The following ARID2 variants were observed in gnomAD, a reference collection of about 807,000 sequenced individuals.
ARID2 encodes the protein AT-rich interaction domain 2, also known as AT-rich interactive domain-containing protein 2.
In ARID2, 32 loss-of-function variants were observed where a neutral mutation model predicts 184.6. That is an observed-to-expected ratio of 0.17 (90% CI 0.13 to 0.23). The LOEUF is 0.23. Ranked by LOEUF, ARID2 falls within the 10% of genes least tolerant of loss-of-function variation. The probability of loss-of-function intolerance (pLI) is 1.00; values close to 1 mark genes in which losing one functional copy is unlikely to be tolerated. For synonymous variants in ARID2, 836 were observed against 772.6 expected, an observed-to-expected ratio of 1.08 and a Z score of -1.36; for missense variants, 1,696 against 2,197.6, an observed-to-expected ratio of 0.77 and a Z score of 4.56.
intron 3 of ARID2, among the ~76,000 whole-genome samples, chr12:45,799,975 G>T (rs1234283982): frequency 6.6e-6 from 1 of 151,992 alleles, no homozygotes; most frequent in African/African-American, 2.4e-5. Context: ...TTAGCCCTCC[G>T]AGTAGCTGGG....
At chr12:45,862,740 C>G (rs762316695) in intron 16 of ARID2, among the ~76,000 whole-genome samples, 31 of 152,180 alleles carry the variant, frequency 2.0e-4, no homozygotes, top group Non-Finnish European at 4.1e-4. Context: ...TAGGTTACTT[C>G]AAGATAAGTT....
intron 6 of ARID2, among the ~76,000 whole-genome samples, chr12:45,835,149 AT>A (rs1357992236): frequency 7.9e-5 from 12 of 152,202 alleles, no homozygotes; most frequent in Admixed American, 7.9e-4. Flanking sequence ...TCTTAAACAT[AT>A]CCACTGAATT....
intron 3 of ARID2, among the ~76,000 whole-genome samples, chr12:45,795,640 G>T (rs1285870307): frequency 6.6e-6 from 1 of 152,006 alleles, no homozygotes; most frequent in Non-Finnish European, 1.5e-5. Context: ...GTTTCACTGT[G>T]TTAGCCAGGA....
intron 18 of ARID2, 108 bp from the exon 19 acceptor site, chr12:45,893,312 C>G (rs1334214250): frequency 1.5e-6 from 2 of 1,341,562 alleles, no homozygotes; most frequent in Admixed American, 2.8e-5. Flanking sequence ...CCTGTAAACA[C>G]GATTTTAAAA....
At chr12:45,805,757 C>T (rs546967868) in intron 3 of ARID2, among the ~76,000 whole-genome samples, 2 of 152,182 alleles carry the variant, frequency 1.3e-5, no homozygotes, top group East Asian at 3.9e-4. Context: ...CCTAGTTACC[C>T]TTTTTGTTTT....
intron 6 of ARID2, among the ~76,000 whole-genome samples, chr12:45,823,365 TAAAC>T (rs1342784926): frequency 6.6e-6 from 1 of 151,856 alleles, no homozygotes; most frequent in African/African-American, 2.4e-5. Flanking sequence ...AGATTTCAAA[TAAAC>T]AACCTAATGA....
chr12:45,810,264 T>C (rs1478579820), intron 3 of ARID2, among the ~76,000 whole-genome samples: 1 of 152,228 alleles, frequency 6.6e-6, no homozygotes, highest in Non-Finnish European at 1.5e-5. Context: ...AATCTTACTA[T>C]AAACTGGTAG....
intron 3 of ARID2, among the ~76,000 whole-genome samples, chr12:45,802,122 A>G (rs981207118): frequency 2.4e-5 from 3 of 123,010 alleles, no homozygotes; most frequent in African/African-American, 9.4e-5. Context: ...GCTGGAGTGC[A>G]GTGGCACAAT....
intron 2 of ARID2, among the ~76,000 whole-genome samples, chr12:45,730,455 C>CCCCGCGCCCGCCCCGCT (rs1940963898): frequency 6.7e-6 from 1 of 149,234 alleles, no homozygotes; most frequent in Non-Finnish European, 1.5e-5. Flanking sequence ...CCAGCCTGAG[C>CCCCGCGCCCGCCCCGCT]CCCGCGCCCG....
At chr12:45,814,378 G>T (rs759020000) in intron 4 of ARID2, among the ~76,000 whole-genome samples, 1 of 152,124 alleles carries the variant, frequency 6.6e-6, no homozygotes, top group African/African-American at 2.4e-5. Context: ...GGACGGGCGC[G>T]GTGTCTCACA....
chr12:45,829,289 GA>G (rs1245184145), intron 6 of ARID2, among the ~76,000 whole-genome samples: 1 of 151,994 alleles, frequency 6.6e-6, no homozygotes, highest in Non-Finnish European at 1.5e-5. Context: ...TCAAGAAACT[GA>G]AATTCTTCCT....
intron 3 of ARID2, among the ~76,000 whole-genome samples, chr12:45,772,211 A>G (rs537560236): frequency 6.6e-6 from 1 of 152,366 alleles, no homozygotes; most frequent in Admixed American, 6.5e-5. Context: ...AACATGAGAT[A>G]CACACAGAAC....
At chr12:45,767,289 C>A (rs755103267) in intron 3 of ARID2, among the ~76,000 whole-genome samples, 1 of 151,980 alleles carries the variant, frequency 6.6e-6, no homozygotes, top group Non-Finnish European at 1.5e-5. Context: ...GAATATTACC[C>A]AATAAGTGAT....
At chr12:45,748,949 T>G (rs1478278633) in intron 3 of ARID2, among the ~76,000 whole-genome samples, 1 of 152,212 alleles carries the variant, frequency 6.6e-6, no homozygotes, top group African/African-American at 2.4e-5. Context: ...ACTGTAATCT[T>G]GAAGCCCTCA....
At chr12:45,838,868 GTT>G (rs537586640) in intron 10 of ARID2, among the ~76,000 whole-genome samples, 7 of 135,572 alleles carry the variant, frequency 5.2e-5, no homozygotes, top group East Asian at 2.2e-4. Context: ...AAAATGTTTT[GTT>G]TTTTTTTTTT....
chr12:45,768,239 G>C (rs1462583476), intron 3 of ARID2, among the ~76,000 whole-genome samples: 1 of 151,996 alleles, frequency 6.6e-6, no homozygotes, highest in East Asian at 1.9e-4. Flanking sequence ...CTGTTGGTGA[G>C]GTCAAGTTCT....
rs1195849808 is a variant in ARID2 at position 45,906,493 on chromosome 12, T to A, written c.*1415T>A. The A allele has an allele frequency of 1.3e-5, 3 of 232,926 alleles. No individual in the cohort carries two copies. Among genetic ancestry groups the A allele is most frequent in the African/African-American group, 6.6e-5 (3 of 45,320 alleles). The allele number at this position is 232,926 out of a possible 1,614,324, so 14.4% of individuals were successfully genotyped here. On this transcript the variant is annotated 3_prime_UTR_variant, in exon 21 of 21. Coordinates refer to ENST00000334344, the MANE Select transcript of ARID2 (RefSeq NM_152641.4). ...CAGTTTATGTTATAGAATGGCTTTATTTACTTTGGTGACTGTTTATAGTTT... is the reference window on the plus strand; with the variant it reads ...CAGTTTATGTTATAGAATGGCTTTAATTACTTTGGTGACTGTTTATAGTTT...
At chr12:45,778,576 G>A (rs1443430564) in intron 3 of ARID2, among the ~76,000 whole-genome samples, 2 of 151,938 alleles carry the variant, frequency 1.3e-5, no homozygotes, top group Admixed American at 6.6e-5. Flanking sequence ...ATATTTGCTC[G>A]GAAGTTATAT....
chr12:45,838,127 T>C (rs1440870437), intron 10 of ARID2, among the ~76,000 whole-genome samples: 4 of 152,208 alleles, frequency 2.6e-5, no homozygotes, highest in Non-Finnish European at 5.9e-5. Context: ...AGAGCAGGTC[T>C]TTCTGTTTCA....
Sources: allele counts gnomAD v4.1 joint callset (sites outside exome capture counted in the v4.1 genomes callset), GRCh38; gene constraint gnomAD v4.1.1; transcripts MANE v1.5; gene names NCBI Gene and HGNC (gene_info 2026-07-23, HGNC 2026-07-21).